The following WWOX variants were observed in gnomAD, a reference collection of about 807,000 sequenced individuals.
WWOX encodes the protein WW domain containing oxidoreductase, also known as WW domain-containing oxidoreductase.
WWOX carries 69 observed loss-of-function variants against 46.2 expected under a neutral mutation model. The observed-to-expected ratio is 1.49, with a 90% CI of 1.23 to 1.82. The LOEUF (loss-of-function observed/expected upper bound fraction) is 1.82, where lower values mean the gene tolerates loss of function less well. WWOX is among the 40% of genes most tolerant of loss of function. WWOX has a pLI of 0.00. For synonymous variants in WWOX, 359 were observed against 202.6 expected (o/e 1.77, Z -6.56); for missense variants, 919 against 542.6 (o/e 1.69, Z -6.89).
intron 8 of WWOX, among the ~76,000 whole-genome samples, chr16:79,034,748 G>A (rs772204014): frequency 6.6e-6 from 1 of 151,356 alleles, no homozygotes. Flanking sequence ...TACCTGCCGT[G>A]CTCAAAGCAC....
intron 8 of WWOX, among the ~76,000 whole-genome samples, chr16:78,589,529 C>G (rs1271787275): frequency 6.6e-6 from 1 of 152,156 alleles, no homozygotes; most frequent in Non-Finnish European, 1.5e-5. Context: ...AAGAGTCCAC[C>G]TTGGCAGAAC....
At chr16:79,185,579 A>T (rs1177817012) in intron 8 of WWOX, among the ~76,000 whole-genome samples, 1 of 152,136 alleles carries the variant, frequency 6.6e-6, no homozygotes, top group Non-Finnish European at 1.5e-5. Context: ...CACAGATCTC[A>T]TGTCAAAGAC....
Position 78,276,248 on chromosome 16 carries a change from G to C in WWOX, c.517-110612G>C, listed in dbSNP as rs146382920. ...CAGCTCTTAGACTTGGGGTAGGTTA[G>C]TTAGCTCCTCCCAGCCTCAGTTTCC... is the stretch of plus-strand genomic sequence containing the variant. On this transcript the variant is annotated intron_variant, in intron 5 of 8. Transcript: ENST00000566780. 6.8e-3 allele frequency among the ~76,000 whole-genome samples: 1,035 copies of C among 152,282 alleles called. 8 individuals are homozygous for C. Among genetic ancestry groups the C allele is most frequent in the African/African-American group, 0.024 (982 of 41,552 alleles).
intron 8 of WWOX, among the ~76,000 whole-genome samples, chr16:78,916,888 C>G (rs1238013143): frequency 6.6e-6 from 1 of 152,184 alleles, no homozygotes; most frequent in African/African-American, 2.4e-5. Flanking sequence ...GCTTAATTAA[C>G]TGAAAGATAT....
intron 4 of WWOX, among the ~76,000 whole-genome samples, chr16:78,144,468 C>CATATATAT (rs1215805172): frequency 6.9e-5 from 1 of 14,484 alleles, no homozygotes; most frequent in Non-Finnish European, 1.2e-4. Flanking sequence ...TATATACACA[C>CATATATAT]ATATATATAT....
At chr16:78,398,915 C>A (rs1418458504) in intron 6 of WWOX, among the ~76,000 whole-genome samples, 1 of 152,148 alleles carries the variant, frequency 6.6e-6, no homozygotes, top group Non-Finnish European at 1.5e-5. Context: ...GCAATTATTA[C>A]ATTTACTGCC....
At chr16:78,571,954 G>C (rs1597286208) in intron 8 of WWOX, among the ~76,000 whole-genome samples, 1 of 152,196 alleles carries the variant, frequency 6.6e-6, no homozygotes, top group East Asian at 1.9e-4. Flanking sequence ...GTCATAACAA[G>C]CACTGGAAGG....
chr16:78,974,371 A>G (rs2046531068), intron 8 of WWOX, among the ~76,000 whole-genome samples: 2 of 152,192 alleles, frequency 1.3e-5, no homozygotes, highest in Non-Finnish European at 2.9e-5. Flanking sequence ...ATTGAACAGT[A>G]CGTGGGTTCT....
rs985595909 is a variant in WWOX at position 78,338,304 on chromosome 16, C to G, written c.517-48556C>G. ...AGGTGGAAATGTAGACACCAACACC[C>G]TCATGGATTCCCAGCTGCTGAGAGT... On this transcript the variant is annotated intron_variant, in intron 5 of 8. Coordinates refer to ENST00000566780, the MANE Select transcript of WWOX (RefSeq NM_016373.4). 7.4e-5 allele frequency among the ~76,000 whole-genome samples: 9 copies of G among 121,554 alleles called. 1 individual carries two copies. Among genetic ancestry groups the G allele is most frequent in the South Asian group, 4.9e-4 (2 of 4,110 alleles). The allele number at this position is 121,554 out of a possible 152,430, so 79.7% of individuals were successfully genotyped here. A position where few individuals can be genotyped will look rare whatever the true frequency, so the allele number is the denominator to read the frequency against.
chr16:78,439,788 A>G (rs560432075), intron 8 of WWOX, among the ~76,000 whole-genome samples: 2 of 152,354 alleles, frequency 1.3e-5, no homozygotes, highest in Non-Finnish European at 2.9e-5. Flanking sequence ...GTGTTTGGCT[A>G]CTATATGAGT....
chr16:78,584,223 A>G (rs1330326423), intron 8 of WWOX, among the ~76,000 whole-genome samples: 1 of 152,186 alleles, frequency 6.6e-6, no homozygotes, highest in East Asian at 1.9e-4. Context: ...CATAGCTAGT[A>G]TTTATTGCCA....
At chr16:78,954,177 G>A (rs1461111570) in intron 8 of WWOX, among the ~76,000 whole-genome samples, 1 of 152,154 alleles carries the variant, frequency 6.6e-6, no homozygotes, top group East Asian at 1.9e-4. Context: ...ATATTCTTTA[G>A]ATGGATGGGT....
At chr16:78,681,757 G>A (rs541960259) in intron 8 of WWOX, among the ~76,000 whole-genome samples, 2 of 152,318 alleles carry the variant, frequency 1.3e-5, no homozygotes, top group South Asian at 2.1e-4. Flanking sequence ...GCACAAAGGC[G>A]TGCGCAGTGA....
At chr16:78,375,486 G>A (rs997811973) in intron 5 of WWOX, among the ~76,000 whole-genome samples, 17 of 152,180 alleles carry the variant, frequency 1.1e-4, no homozygotes, top group African/African-American at 4.1e-4. Context: ...CGTGCTCAGT[G>A]CTATTGACTG....
intron 8 of WWOX, among the ~76,000 whole-genome samples, chr16:78,776,594 T>G (rs772704191): frequency 6.6e-6 from 1 of 152,176 alleles, no homozygotes; most frequent in Non-Finnish European, 1.5e-5. Flanking sequence ...GGAGTGAGGA[T>G]GGATGTTTAG....
chr16:78,225,775 A>G (rs145811848), intron 5 of WWOX, among the ~76,000 whole-genome samples: 1 of 152,302 alleles, frequency 6.6e-6, no homozygotes, highest in East Asian at 1.9e-4. Flanking sequence ...ACCTTAATGC[A>G]TGAAATATTA....
chr16:79,114,924 G>C (rs148457408), intron 8 of WWOX, among the ~76,000 whole-genome samples: 1,656 of 152,252 alleles, frequency 0.011, 15 homozygotes, highest in Non-Finnish European at 0.015. Context: ...GCAGGAGCCG[G>C]GGCTGCAGAC....
rs375459625 is a variant in WWOX, at chr16:78,578,945, A to C, written c.1056+146193A>C. Among the ~76,000 whole-genome samples the C allele has an allele frequency of 7.2e-5, 11 of 152,298 alleles. No individual in the cohort carries two copies. The East Asian group carries it at 1.9e-3, about 27-fold the overall frequency. ...GCTTTGTTGATTGTTGATATTACTT[A>C]TGAACTTTCTTGCTTTTCAGAAACC... On this transcript the variant is annotated intron_variant, in intron 8 of 8. Coordinates refer to ENST00000566780, the MANE Select transcript of WWOX (RefSeq NM_016373.4).
At chr16:78,755,255 A>AAAAAG (rs1464150875) in intron 8 of WWOX, among the ~76,000 whole-genome samples, 1 of 152,008 alleles carries the variant, frequency 6.6e-6, no homozygotes, top group African/African-American at 2.4e-5. Context: ...AAAGAAAAAG[A>AAAAAG]AAACACCGGA....
Sources: allele counts gnomAD v4.1 joint callset (sites outside exome capture counted in the v4.1 genomes callset), GRCh38; gene constraint gnomAD v4.1.1; transcripts MANE v1.5; gene names NCBI Gene and HGNC (gene_info 2026-07-23, HGNC 2026-07-21).